Variants in KCNT2 observed in about 807,000 individuals in gnomAD.
KCNT2 encodes the protein potassium channel subfamily T member 2.
A neutral mutation model predicts 153.8 loss-of-function variants in KCNT2; 67 were observed. The ratio of observed to expected loss-of-function variants is 0.44; its 90% confidence interval spans 0.36 to 0.53. The LOEUF is 0.53. Among genes scored for constraint, KCNT2 ranks in the 20% least tolerant of loss-of-function variants. The pLI, the probability that KCNT2 is intolerant of heterozygous loss-of-function variation, is 0.00. For synonymous variants in KCNT2, 500 were observed against 458.8 expected (o/e 1.09, Z -1.15); for missense variants, 975 against 1,354.8 (o/e 0.72, Z 4.40).
At chr1:196,544,109 A>G (rs1474394271) in intron 1 of KCNT2, among the ~76,000 whole-genome samples, 1 of 152,144 alleles carries the variant, frequency 6.6e-6, no homozygotes, top group Admixed American at 6.6e-5. Context: ...CTCCAAAGCA[A>G]CCTAAATATC....
intron 1 of KCNT2, among the ~76,000 whole-genome samples, chr1:196,526,618 A>G (rs1189484346): frequency 6.6e-6 from 1 of 151,952 alleles, no homozygotes; most frequent in African/African-American, 2.4e-5. Flanking sequence ...ACACCCAGCT[A>G]ATTTTTGTAT....
intron 21 of KCNT2, among the ~76,000 whole-genome samples, chr1:196,305,555 T>C (rs753402195): frequency 2.0e-5 from 3 of 152,066 alleles, no homozygotes; most frequent in Non-Finnish European, 4.4e-5. Flanking sequence ...TTTAGCACAA[T>C]AAGAAAAATA....
chr1:196,455,813 C>T lies in KCNT2; in HGVS notation c.638+9480G>A, dbSNP rs907370675. Among the ~76,000 whole-genome samples the T allele has an allele frequency of 4.6e-5, 7 of 152,012 alleles. No individual in the cohort carries two copies. In the East Asian group the frequency reaches 1.4e-3, roughly 29 times the overall value. On this transcript the variant is annotated intron_variant, in intron 8 of 27. Coordinates refer to ENST00000294725, the MANE Select transcript of KCNT2 (RefSeq NM_198503.5). Reference sequence around the variant, plus strand: ...TTTGCTCCTGGGGGCCAGCAGTACACTGGCTGTGAAAACCTGGCTGAGGCA... The same window carrying T: ...TTTGCTCCTGGGGGCCAGCAGTACATTGGCTGTGAAAACCTGGCTGAGGCA...
chr1:196,540,833 G>A (rs553680748), intron 1 of KCNT2, among the ~76,000 whole-genome samples: 8 of 152,198 alleles, frequency 5.3e-5, no homozygotes, highest in East Asian at 3.9e-4. Flanking sequence ...TTAGGAGGCC[G>A]AGAAGGGTGG....
chr1:196,426,090 C>T (rs1186506415), intron 10 of KCNT2, 102 bp from the exon 11 acceptor site: 3 of 837,434 alleles, frequency 3.6e-6, no homozygotes, highest in Non-Finnish European at 5.5e-6. Flanking sequence ...TATGATAAAA[C>T]TGAAATGAAC....
chr1:196,275,589 A>G (rs1443822024), intron 25 of KCNT2, among the ~76,000 whole-genome samples: 3 of 151,998 alleles, frequency 2.0e-5, no homozygotes, highest in African/African-American at 7.2e-5. Flanking sequence ...CAGCCAAAGC[A>G]GTTATATCAG....
At chr1:196,508,414 A>G (rs1380598797) in intron 1 of KCNT2, among the ~76,000 whole-genome samples, 1 of 152,120 alleles carries the variant, frequency 6.6e-6, no homozygotes, top group Non-Finnish European at 1.5e-5. Context: ...CCCTAGGAAG[A>G]TAAGAGTATA....
At chr1:196,238,825 T>C (rs895943053) in intron 26 of KCNT2, among the ~76,000 whole-genome samples, 12 of 151,904 alleles carry the variant, frequency 7.9e-5, no homozygotes, top group Non-Finnish European at 1.3e-4. Context: ...GAACTTAAAG[T>C]ATAATAATAA....
chr1:196,425,692 AC>A (rs1223717356), intron 11 of KCNT2, among the ~76,000 whole-genome samples, 159 bp downstream of exon 11: 1 of 151,918 alleles, frequency 6.6e-6, no homozygotes, highest in Non-Finnish European at 1.5e-5. Flanking sequence ...TATATTTTTG[AC>A]CTTTTAGTTT....
chr1:196,260,436 A>G (rs896358464), intron 25 of KCNT2, among the ~76,000 whole-genome samples: 3 of 151,894 alleles, frequency 2.0e-5, no homozygotes, highest in Non-Finnish European at 3.0e-5. Context: ...ACCTATGTAT[A>G]CATTAGTTAA....
chr1:196,452,297 A>T (rs1676283463), intron 8 of KCNT2, among the ~76,000 whole-genome samples: 1 of 152,032 alleles, frequency 6.6e-6, no homozygotes, highest in Non-Finnish European at 1.5e-5. Context: ...AACTCTGAGA[A>T]CTAATAACCC....
chr1:196,304,686 T>C (rs1315442132), intron 22 of KCNT2, among the ~76,000 whole-genome samples: 1 of 152,160 alleles, frequency 6.6e-6, no homozygotes, highest in African/African-American at 2.4e-5. Context: ...CCATATAACA[T>C]TACTTTGCAA....
At chr1:196,316,103 A>T in intron 20 of KCNT2, 77 bp from the exon 21 acceptor site, 1 of 1,323,340 alleles carries the variant, frequency 7.6e-7, no homozygotes, top group Non-Finnish European at 1.1e-6. Context: ...GTCTAGCACT[A>T]TCCCCTGTGC....
intron 1 of KCNT2, among the ~76,000 whole-genome samples, chr1:196,542,385 T>G (rs1477900574): frequency 6.6e-6 from 1 of 152,142 alleles, no homozygotes; most frequent in Non-Finnish European, 1.5e-5. Flanking sequence ...CGTCAGAGTG[T>G]ATTAATTTGA....
intron 26 of KCNT2, chr1:196,257,488 A>T (rs1656616092): frequency 2.0e-6 from 2 of 977,468 alleles, no homozygotes; most frequent in African/African-American, 3.5e-5. Context: ...AAAATAAAAC[A>T]CCTTGTTTAT....
intron 1 of KCNT2, among the ~76,000 whole-genome samples, chr1:196,516,898 A>C (rs1682103604): frequency 6.6e-6 from 1 of 152,172 alleles, no homozygotes; most frequent in Admixed American, 6.5e-5. Context: ...CTTATGGAAA[A>C]GTAGCCAGAC....
intron 18 of KCNT2, among the ~76,000 whole-genome samples, chr1:196,327,287 T>A (rs542963085): frequency 6.6e-6 from 1 of 150,976 alleles, no homozygotes; most frequent in Non-Finnish European, 1.5e-5. Flanking sequence ...ACTGAATGCT[T>A]AAAGCGATGA....
chr1:196,472,050 CTT>C (rs1289122408), intron 5 of KCNT2, among the ~76,000 whole-genome samples: 1 of 152,146 alleles, frequency 6.6e-6, no homozygotes, highest in Non-Finnish European at 1.5e-5. Context: ...TGCTTGTAGA[CTT>C]TTGCCCACAT....
At chr1:196,366,394 C>G (rs1396560609) in intron 14 of KCNT2, among the ~76,000 whole-genome samples, 1 of 151,916 alleles carries the variant, frequency 6.6e-6, no homozygotes, top group Admixed American at 6.6e-5. Context: ...CCTGAACCCA[C>G]ATGATCTGCC....
Sources: allele counts gnomAD v4.1 joint callset (sites outside exome capture counted in the v4.1 genomes callset), GRCh38; gene constraint gnomAD v4.1.1; transcripts MANE v1.5; gene names NCBI Gene and HGNC (gene_info 2026-07-23, HGNC 2026-07-21).